Variants in DLGAP2 observed in about 807,000 individuals in gnomAD.
The protein encoded by DLGAP2 is DLG associated protein 2, also known as disks large-associated protein 2.
In DLGAP2, 26 loss-of-function variants were observed where a neutral mutation model predicts 100.3. The observed-to-expected ratio is 0.26, with a 90% CI of 0.19 to 0.36. The LOEUF (loss-of-function observed/expected upper bound fraction) is 0.36, where lower values mean the gene tolerates loss of function less well. Ranked by LOEUF, DLGAP2 falls within the 10% of genes least tolerant of loss-of-function variation. DLGAP2 has a pLI of 1.00. For synonymous variants in DLGAP2, 886 were observed against 630.1 expected (o/e 1.41, Z -6.08); for missense variants, 1,858 against 1,453.2 (o/e 1.28, Z -4.53).
At chr8:1,497,676 T>C (rs893381119) in intron 3 of DLGAP2, among the ~76,000 whole-genome samples, 1 of 152,220 alleles carries the variant, frequency 6.6e-6, no homozygotes, top group Non-Finnish European at 1.5e-5. Context: ...GCTCTACCTA[T>C]GGCCTGTCCA....
intron 3 of DLGAP2, among the ~76,000 whole-genome samples, chr8:1,465,263 C>T (rs774879100): frequency 2.0e-5 from 3 of 152,222 alleles, no homozygotes; most frequent in East Asian, 1.9e-4. Context: ...GAGTGGCTCC[C>T]GAAACTCTGG....
At chr8:1,258,938 T>C (rs1799285754) in intron 3 of DLGAP2, 55 bp downstream of exon 3, 4 of 1,218,258 alleles carry the variant, frequency 3.3e-6, no homozygotes, top group Non-Finnish European at 4.1e-6. Flanking sequence ...CTCACAGGTG[T>C]GTGGCTGGCA....
At chr8:1,039,926 G>GTT (rs1802272730) in intron 2 of DLGAP2, among the ~76,000 whole-genome samples, 2 of 148,348 alleles carry the variant, frequency 1.3e-5, no homozygotes, top group African/African-American at 2.5e-5. Flanking sequence ...GGTCAGCTCG[G>GTT]TGTGCATGGT....
At chr8:1,153,509 C>T (rs777769665) in intron 2 of DLGAP2, among the ~76,000 whole-genome samples, 3 of 152,184 alleles carry the variant, frequency 2.0e-5, no homozygotes, top group Non-Finnish European at 4.4e-5. Flanking sequence ...AATCCAGGAA[C>T]ACATTCTACC....
At chr8:1,417,628 C>G (rs1245918097) in intron 3 of DLGAP2, among the ~76,000 whole-genome samples, 6 of 52,532 alleles carry the variant, frequency 1.1e-4, no homozygotes, top group Admixed American at 2.0e-4. Context: ...TGCGTGGCCG[C>G]CTCCAGGGGG....
chr8:882,070 A>T (rs542719019), intron 1 of DLGAP2, among the ~76,000 whole-genome samples: 1 of 152,162 alleles, frequency 6.6e-6, no homozygotes, highest in Non-Finnish European at 1.5e-5. Flanking sequence ...TGGTCACATG[A>T]TATCACCCAG....
intron 2 of DLGAP2, among the ~76,000 whole-genome samples, chr8:997,198 G>A (rs1174755322): frequency 2.6e-5 from 4 of 152,152 alleles, no homozygotes; most frequent in East Asian, 1.9e-4. Context: ...CTTAGCAACA[G>A]CATGCTTTGG....
chr8:776,561 C>G (rs1293001027), intron 1 of DLGAP2, among the ~76,000 whole-genome samples: 1 of 152,114 alleles, frequency 6.6e-6, no homozygotes, highest in Non-Finnish European at 1.5e-5. Flanking sequence ...TCTTTGTTCT[C>G]TTGGTTTCAA....
rs180758344 is a variant in DLGAP2, at chr8:1,187,975, C to T, written c.74-70876C>T. Among the ~76,000 whole-genome samples, 57 of 121,966 alleles carry T rather than the reference C, an allele frequency of 4.7e-4. 8 individuals carry two copies. Among genetic ancestry groups the T allele is most frequent in the African/African-American group, 2.1e-3 (45 of 21,028 alleles). The allele number at this position is 121,966 out of a possible 152,430, so 80.0% of individuals were successfully genotyped here. On this transcript the variant is annotated intron_variant, in intron 2 of 14. Transcript: ENST00000637795. Reference sequence around the variant, plus strand: ...GACGTTTCCCTCACGGAATCTCAAACGCCTGGGACCTCTGTGACGTTTGCC... The same window carrying T: ...GACGTTTCCCTCACGGAATCTCAAATGCCTGGGACCTCTGTGACGTTTGCC...
chr8:1,640,298 C>T (rs1797866368), intron 8 of DLGAP2, among the ~76,000 whole-genome samples: 1 of 145,778 alleles, frequency 6.9e-6, no homozygotes, highest in South Asian at 2.2e-4. Flanking sequence ...GTGTGCTGCC[C>T]CGTGGGTCCT....
chr8:797,197 G>C (rs978420892), intron 1 of DLGAP2, among the ~76,000 whole-genome samples: 1 of 152,200 alleles, frequency 6.6e-6, no homozygotes, highest in Non-Finnish European at 1.5e-5. Flanking sequence ...CGAAAGTCCT[G>C]TGTGCCCGTT....
intron 1 of DLGAP2, among the ~76,000 whole-genome samples, chr8:808,144 G>A (rs910406142): frequency 1.3e-5 from 2 of 152,142 alleles, no homozygotes; most frequent in South Asian, 2.1e-4. Flanking sequence ...CGGCACGTGG[G>A]TCTTCGGCTT....
intron 2 of DLGAP2, among the ~76,000 whole-genome samples, chr8:1,128,137 G>C (rs1482909812): frequency 6.6e-6 from 1 of 152,072 alleles, no homozygotes. Flanking sequence ...TCCCCGTGTT[G>C]TGTTCGGTGA....
chr8:1,137,691 C>G (rs903559798), intron 2 of DLGAP2: 4 of 152,300 alleles, frequency 2.6e-5, no homozygotes, highest in Non-Finnish European at 5.9e-5. Context: ...CAACTTACAG[C>G]CTTGCTCTTT....
intron 2 of DLGAP2, among the ~76,000 whole-genome samples, chr8:973,031 C>T (rs1800057131): frequency 6.6e-6 from 1 of 152,254 alleles, no homozygotes; most frequent in Non-Finnish European, 1.5e-5. Flanking sequence ...TACACAGACA[C>T]AGCATCAATC....
chr8:868,372 G>A (rs919336079), intron 1 of DLGAP2, among the ~76,000 whole-genome samples: 1 of 152,136 alleles, frequency 6.6e-6, no homozygotes, highest in Non-Finnish European at 1.5e-5. Context: ...CCTAGCACCT[G>A]TTCCTCCAGA....
chr8:1,150,627 A>T (rs949179990), intron 2 of DLGAP2, among the ~76,000 whole-genome samples: 1 of 152,244 alleles, frequency 6.6e-6, no homozygotes, highest in Admixed American at 6.5e-5. Flanking sequence ...GGTGGTGTCC[A>T]TGCCCTGTTG....
In DLGAP2 at chr8:1,444,449, C is replaced by G. The variant is rs544056632; in HGVS notation, c.107-56917C>G. On this transcript the variant is annotated intron_variant, in intron 3 of 14. Transcript: ENST00000637795. ...CAATATTTCCATATTTAAGGCCTTC[C>G]CTAACCTTGTTTTGTTTGATGTCTT... Among the ~76,000 whole-genome samples, 4 of 152,278 alleles carry G rather than the reference C, an allele frequency of 2.6e-5. 1 individual carries two copies. The South Asian group carries it at 6.2e-4, about 24-fold the overall frequency.
At chr8:1,213,127 A>T (rs1313832003) in intron 2 of DLGAP2, among the ~76,000 whole-genome samples, 13 of 152,098 alleles carry the variant, frequency 8.5e-5, no homozygotes, top group Admixed American at 8.5e-4. Flanking sequence ...CTAGAAAGAG[A>T]ATCACATCAT....
Sources: allele counts gnomAD v4.1 joint callset (sites outside exome capture counted in the v4.1 genomes callset), GRCh38; gene constraint gnomAD v4.1.1; transcripts MANE v1.5; gene names NCBI Gene and HGNC (gene_info 2026-07-23, HGNC 2026-07-21).